CNTNAP3: variants seen among roughly 807,000 people sequenced by gnomAD.
CNTNAP3 encodes the protein contactin associated protein family member 3, also known as contactin-associated protein-like 3.
In CNTNAP3, 36 loss-of-function variants were observed where a neutral mutation model predicts 92.1. The ratio of observed to expected loss-of-function variants is 0.39; its 90% confidence interval spans 0.30 to 0.52. The LOEUF (loss-of-function observed/expected upper bound fraction) is 0.52. Among genes scored for constraint, CNTNAP3 ranks in the 20% least tolerant of loss-of-function variants. CNTNAP3 has a pLI of 0.76. For synonymous variants in CNTNAP3, 232 were observed against 422.3 expected, an observed-to-expected ratio of 0.55 and a Z score of 5.53; for missense variants, 534 against 1,069.6, an observed-to-expected ratio of 0.50 and a Z score of 6.98.
chr9:39,142,671 CAA>C (rs560924846), intron 11 of CNTNAP3, among the ~76,000 whole-genome samples: 3,070 of 102,584 alleles, frequency 0.03, 56 homozygotes, highest in East Asian at 0.13. Context: ...GACTCCGTCT[CAA>C]AAAAAAAAAA....
chr9:39,141,577 C>T (rs1198204958), intron 11 of CNTNAP3, among the ~76,000 whole-genome samples: 1 of 152,104 alleles, frequency 6.6e-6, no homozygotes, highest in African/African-American at 2.4e-5. Flanking sequence ...TTCATTTGTG[C>T]AAGCAAATGT....
chr9:39,102,211 T>C (rs1343488346), intron 17 of CNTNAP3, among the ~76,000 whole-genome samples: 3 of 152,206 alleles, frequency 2.0e-5, no homozygotes, highest in African/African-American at 7.2e-5. Context: ...ACCCGGCAGG[T>C]GGAGGTTTCA....
chr9:39,177,656 AT>A (rs996901528), intron 5 of CNTNAP3, among the ~76,000 whole-genome samples, 154 bp from the exon 6 acceptor site: 2 of 13,212 alleles, frequency 1.5e-4, no homozygotes, highest in Non-Finnish European at 1.4e-4. Context: ...CCCTGTTTTT[AT>A]TTTTTTTAAG....
intron 14 of CNTNAP3, among the ~76,000 whole-genome samples, chr9:39,114,567 T>G (rs1219754975): frequency 6.6e-6 from 1 of 152,214 alleles, no homozygotes; most frequent in Admixed American, 6.5e-5. Flanking sequence ...AAATATTTTC[T>G]ATTCTTTTAG....
intron 13 of CNTNAP3, among the ~76,000 whole-genome samples, chr9:39,121,086 A>C (rs1209232349): frequency 6.6e-6 from 1 of 152,142 alleles, no homozygotes; most frequent in Non-Finnish European, 1.5e-5. Flanking sequence ...ATTACCTTAA[A>C]TGTAAATGGT....
intron 21 of CNTNAP3, among the ~76,000 whole-genome samples, chr9:39,081,952 T>C (rs1587696433): frequency 6.7e-6 from 1 of 149,648 alleles, no homozygotes; most frequent in African/African-American, 2.5e-5. Context: ...CCGGGCATGG[T>C]GGTGGGTGCC....
intron 18 of CNTNAP3, among the ~76,000 whole-genome samples, chr9:39,091,230 G>C (rs1233511826): frequency 6.7e-6 from 1 of 148,694 alleles, no homozygotes; most frequent in Non-Finnish European, 1.5e-5. Flanking sequence ...CTAGTACAAT[G>C]CTGAATAGAA....
rs1391678670 is a variant in CNTNAP3 at position 39,149,962 on chromosome 9, C to T, written c.1493G>A (p.Ser498Asn). 3.7e-6 allele frequency: 6 copies of T among 1,611,790 alleles called. No individual in the cohort carries two copies. The highest frequency in any genetic ancestry group is 5.1e-6 in the Non-Finnish European group (6 of 1,179,818). Residue 498 changes from serine to asparagine, a missense_variant, in exon 10 of 24, where the codon AGC becomes AAC. Physicochemically the swap from Ser to Asn is conservative, Grantham distance 46. Transcript: ENST00000297668. Reference protein sequence around the residue: ...TYYFGGCLDNSSGSGCKSPLG... With the variant: ...TYYFGGCLDNNSGSGCKSPLG... ...GGGGCTTTTACATCCAGAGCCAGAG[C>T]TGTTGTCCAGGCAGCCTAAATATGA...
rs557233582 is a variant in CNTNAP3, at chr9:39,118,362, A to G, written c.2081-103T>C. 2.1e-4 allele frequency: 311 copies of G among 1,492,156 alleles called. 2 individuals are homozygous for G. The highest frequency in any genetic ancestry group is 1.6e-3 in the African/African-American group (116 of 71,098). The allele number at this position is 1,492,156 out of a possible 1,614,324, so 92.4% of individuals were successfully genotyped here. On this transcript the variant is annotated intron_variant, in intron 13 of 23. Transcript: ENST00000297668. Reference sequence around the variant, plus strand: ...CAGGTGTAAAGTGTATGTGTGAGAGACAGAGAGAGAGAAAATGAAACTATA... The same window carrying G: ...CAGGTGTAAAGTGTATGTGTGAGAGGCAGAGAGAGAGAAAATGAAACTATA...
chr9:39,086,112 G>A, intron 20 of CNTNAP3: 2 of 498,092 alleles, frequency 4.0e-6, no homozygotes, highest in East Asian at 3.9e-5. Flanking sequence ...TGAAAAAGAT[G>A]GAATTGGTTG....
chr9:39,138,603 G>A (rs1249307413), intron 12 of CNTNAP3, among the ~76,000 whole-genome samples: 1 of 152,178 alleles, frequency 6.6e-6, no homozygotes, highest in Non-Finnish European at 1.5e-5. Flanking sequence ...CTGGAAGCAT[G>A]AGGAGATTTT....
chr9:39,121,296 G>C lies in CNTNAP3; in HGVS notation c.2081-3037C>G, dbSNP rs1335479947. On this transcript the variant is annotated intron_variant, in intron 13 of 23. Transcript: ENST00000297668. ...AATAGACTTCAGAACAAAAATACTA[G>C]AACAGGGACATTACATAATGATTTA... 2.0e-5 allele frequency among the ~76,000 whole-genome samples: 3 copies of C among 151,934 alleles called. No individual in the cohort carries two copies. The East Asian group carries it at 5.8e-4, about 29-fold the overall frequency.
chr9:39,095,292 T>C (rs1301013283), intron 18 of CNTNAP3, among the ~76,000 whole-genome samples: 3 of 151,740 alleles, frequency 2.0e-5, no homozygotes, highest in Non-Finnish European at 4.4e-5. Context: ...ATAGCCCTTC[T>C]ATTGAAATTT....
chr9:39,091,976 GTAGT>G (rs1347548188), intron 18 of CNTNAP3, among the ~76,000 whole-genome samples: 1 of 151,212 alleles, frequency 6.6e-6, no homozygotes, highest in Non-Finnish European at 1.5e-5. Context: ...TGTTAATTTT[GTAGT>G]TAGTGTCATC....
chr9:39,112,734 C>T (rs1262735052), intron 14 of CNTNAP3, among the ~76,000 whole-genome samples: 3 of 151,910 alleles, frequency 2.0e-5, no homozygotes, highest in Non-Finnish European at 2.9e-5. Flanking sequence ...ATCTAACACA[C>T]TTAAAAAATT....
At chr9:39,142,053 G>T (rs2118098275) in intron 11 of CNTNAP3, among the ~76,000 whole-genome samples, 1 of 152,276 alleles carries the variant, frequency 6.6e-6, no homozygotes, top group Admixed American at 6.5e-5. Context: ...ACTATTAGAT[G>T]AGACTGACAC....
intron 14 of CNTNAP3, among the ~76,000 whole-genome samples, chr9:39,116,969 T>C (rs981924965): frequency 5.3e-5 from 8 of 151,118 alleles, no homozygotes; most frequent in Non-Finnish European, 7.4e-5. Flanking sequence ...GGATTGACCA[T>C]TACATTTTTT....
At chr9:39,089,286 A>G (rs990025279) in intron 18 of CNTNAP3, among the ~76,000 whole-genome samples, 4 of 152,084 alleles carry the variant, frequency 2.6e-5, no homozygotes, top group African/African-American at 7.3e-5. Flanking sequence ...AAGAGATTTC[A>G]TATCAGTGGA....
At chr9:39,138,955 G>A (rs1821506272) in intron 12 of CNTNAP3, among the ~76,000 whole-genome samples, 1 of 152,170 alleles carries the variant, frequency 6.6e-6, no homozygotes. Context: ...TTAAGACAGA[G>A]TGCTGACTTC....
Sources: gnomAD v4.1 joint callset for allele counts (sites outside exome capture counted in the v4.1 genomes callset) on GRCh38, gnomAD v4.1.1 for gene constraint, MANE v1.5 for transcripts, NCBI Gene and HGNC (gene_info 2026-07-23, HGNC 2026-07-21) for gene names.